CHD9: variants seen among roughly 807,000 people sequenced by gnomAD.
The protein encoded by CHD9 is ATP-dependent chromatin remodeler CHD9.
Under a neutral mutation model 316.1 loss-of-function variants are expected in CHD9, and 77 were observed. That is an observed-to-expected ratio of 0.24 (90% CI 0.20 to 0.29). The LOEUF (loss-of-function observed/expected upper bound fraction) is 0.29. CHD9 is among the 10% of genes least tolerant of loss of function. CHD9 has a pLI of 1.00. For missense variants in CHD9, 2,763 were observed against 3,438.1 expected, an observed-to-expected ratio of 0.80 and a Z score of 4.91; for synonymous variants, 1,129 against 1,158.3, an observed-to-expected ratio of 0.97 and a Z score of 0.51.
At chr16:53,083,332 CT>C (rs1323795669) in intron 1 of CHD9, among the ~76,000 whole-genome samples, 17 of 152,296 alleles carry the variant, frequency 1.1e-4, no homozygotes, top group Admixed American at 6.5e-4. Flanking sequence ...TCTGAAATTT[CT>C]CCTCTTATCG....
chr16:53,061,590 T>G (rs2032909323), intron 1 of CHD9, among the ~76,000 whole-genome samples: 1 of 151,930 alleles, frequency 6.6e-6, no homozygotes, highest in South Asian at 2.1e-4. Context: ...CACTGGGCAA[T>G]TGGGTCTCCA....
chr16:53,121,285 C>G (rs1404468145), intron 1 of CHD9: 2 of 453,594 alleles, frequency 4.4e-6, no homozygotes, highest in East Asian at 1.4e-4. Context: ...TTTGATCTCT[C>G]CAAACTTGAT....
In CHD9 at chr16:53,297,001, A is replaced by G. The variant is rs1266611811; in HGVS notation, c.5556A>G (p.Thr1852=). Residue 1852 remains threonine, a synonymous_variant, in exon 30 of 39, where the codon ACA becomes ACG. Coordinates refer to ENST00000447540, the MANE Select transcript of CHD9 (RefSeq NM_001308319.2). ...CTGACTTTTATAGGGTTGTATCTAC[A>G]TTTGGAGTGGTTTTTGACCCTGACA... is the stretch of plus-strand genomic sequence containing the variant. ...EEADFYRVVS[T]FGVVFDPDRG... The G allele has an allele frequency of 1.9e-6, 3 of 1,613,810 alleles. No homozygotes were observed. In the African/African-American group the frequency reaches 4.0e-5, roughly 22 times the overall value.
chr16:53,161,699 G>A (rs536205985), intron 2 of CHD9, among the ~76,000 whole-genome samples: 7 of 152,132 alleles, frequency 4.6e-5, no homozygotes, highest in Non-Finnish European at 8.8e-5. Context: ...TAGAATTCTA[G>A]AACGCTTTAG....
chr16:53,076,644 C>T (rs1442831518), intron 1 of CHD9, among the ~76,000 whole-genome samples: 1 of 151,334 alleles, frequency 6.6e-6, no homozygotes, highest in Non-Finnish European at 1.5e-5. Flanking sequence ...CATGGTGGTG[C>T]ATGCCTGTAG....
At chr16:53,313,255 AAAG>A (rs2056615366) in intron 34 of CHD9, among the ~76,000 whole-genome samples, 1 of 151,532 alleles carries the variant, frequency 6.6e-6, no homozygotes, top group Non-Finnish European at 1.5e-5. Flanking sequence ...CATGAAAAAA[AAAG>A]AGCACAAGAG....
At chr16:53,215,735 CAG>C (rs1156845447) in intron 3 of CHD9, among the ~76,000 whole-genome samples, 6 of 152,064 alleles carry the variant, frequency 3.9e-5, no homozygotes, top group East Asian at 1.9e-4. Context: ...AGAGAATCAA[CAG>C]GGGGCAATTA....
At position 53,269,357 on chromosome 16, in the gene CHD9, G is replaced by A. The variant is rs112424707; in HGVS notation, c.4717+1231G>A. Among the ~76,000 whole-genome samples, 90 of 152,278 alleles carry A rather than the reference G, an allele frequency of 5.9e-4. 1 individual carries two copies. Among genetic ancestry groups the A allele is most frequent in the African/African-American group, 1.9e-3 (77 of 41,548 alleles). ...AATATCTGTTGAATGGCTGGTGTGT[G>A]TCTTGTGCAAGGTGTTGAAAAGATA... On this transcript the variant is annotated intron_variant, in intron 22 of 38. Transcript: ENST00000447540.
At chr16:53,143,667 A>G (rs557553596) in intron 1 of CHD9, among the ~76,000 whole-genome samples, 6 of 152,254 alleles carry the variant, frequency 3.9e-5, no homozygotes, top group East Asian at 3.9e-4. Context: ...GATTACAGGC[A>G]TGAGCTACCA....
intron 24 of CHD9, among the ~76,000 whole-genome samples, chr16:53,280,462 A>G (rs1390998618): frequency 6.6e-6 from 1 of 152,114 alleles, no homozygotes; most frequent in Non-Finnish European, 1.5e-5. Context: ...CATAAGTGGA[A>G]GCTAAGCTAT....
At chr16:53,319,264 A>G (rs1050516404) in intron 37 of CHD9, among the ~76,000 whole-genome samples, 2 of 152,210 alleles carry the variant, frequency 1.3e-5, no homozygotes, top group East Asian at 3.8e-4. Flanking sequence ...TTTTTCTCAT[A>G]CACTAAATTA....
chr16:53,255,916 A>G (rs1425779053), intron 19 of CHD9, 137 bp downstream of exon 19: 3 of 778,280 alleles, frequency 3.9e-6, no homozygotes, highest in African/African-American at 3.5e-5. Flanking sequence ...ATTTTCCTTC[A>G]TTTTTTTCTG....
chr16:53,245,402 C>A lies in CHD9; in HGVS notation c.3121C>A (p.His1041Asn). Reference sequence around the variant, plus strand: ...AGTTGAAGAACTATTTAGTCTTCTTCACTTTCTTGAACCCTTAAGGTTTCC... The same window carrying A: ...AGTTGAAGAACTATTTAGTCTTCTTAACTTTCTTGAACCCTTAAGGTTTCC... ...NTVEELFSLL[H>N]FLEPLRFPSE... Residue 1041 changes from histidine to asparagine, a missense_variant, in exon 14 of 39, where the codon CAC (histidine) becomes AAC (asparagine). By Grantham distance (68) the His-to-Asn change is moderately conservative. Coordinates refer to ENST00000447540, the MANE Select transcript of CHD9 (RefSeq NM_001308319.2). This position sits in a 1 kb window ranked among gnomAD's most constrained non-coding sequence, Gnocchi z 4.1. The A allele has an allele frequency of 6.2e-7, 1 of 1,600,632 alleles. No individual in the cohort carries two copies. Among genetic ancestry groups the A allele is most frequent in the Non-Finnish European group, 8.5e-7 (1 of 1,173,962 alleles).
At chr16:53,071,840 T>G (rs1040928061) in intron 1 of CHD9, among the ~76,000 whole-genome samples, 2 of 152,212 alleles carry the variant, frequency 1.3e-5, no homozygotes, top group Non-Finnish European at 2.9e-5. Context: ...TGGCCAGCCC[T>G]ACTCAGGCAT....
At chr16:53,110,127 G>C (rs1328958224) in intron 1 of CHD9, among the ~76,000 whole-genome samples, 2 of 152,120 alleles carry the variant, frequency 1.3e-5, no homozygotes, top group Non-Finnish European at 2.9e-5. Flanking sequence ...TCATTTCCTA[G>C]CTTGTGCCCA....
At chr16:53,116,337 G>A (rs529379694) in intron 1 of CHD9, among the ~76,000 whole-genome samples, 22 of 152,168 alleles carry the variant, frequency 1.4e-4, no homozygotes, top group Non-Finnish European at 2.9e-4. Context: ...TGGGATTATA[G>A]GCGTGAGCCA....
At chr16:53,071,383 T>C (rs948957638) in intron 1 of CHD9, among the ~76,000 whole-genome samples, 2 of 152,114 alleles carry the variant, frequency 1.3e-5, no homozygotes, top group African/African-American at 4.8e-5. Flanking sequence ...AATGACAGTG[T>C]TATATAGAGT....
chr16:53,297,737 G>A (rs1351176563), intron 30 of CHD9, among the ~76,000 whole-genome samples: 1 of 152,186 alleles, frequency 6.6e-6, no homozygotes, highest in African/African-American at 2.4e-5. Context: ...ATGAACAGTT[G>A]TCTCCATTCT....
intron 1 of CHD9, among the ~76,000 whole-genome samples, chr16:53,133,254 T>C (rs2039465279): frequency 6.6e-6 from 1 of 152,132 alleles, no homozygotes; most frequent in Non-Finnish European, 1.5e-5. Flanking sequence ...CAGGAGATGA[T>C]ATCCTAAAGG....
Sources: gnomAD v4.1 joint callset for allele counts (sites outside exome capture counted in the v4.1 genomes callset) on GRCh38, gnomAD v4.1.1 for gene constraint, Gnocchi (gnomAD v3.1) non-coding constraint, MANE v1.5 for transcripts, NCBI Gene and HGNC (gene_info 2026-07-23, HGNC 2026-07-21) for gene names.